CNTNAP4: variants seen among roughly 807,000 people sequenced by gnomAD.
The protein encoded by CNTNAP4 is contactin associated protein family member 4.
CNTNAP4 carries 98 observed loss-of-function variants against 148.4 expected under a neutral mutation model. The ratio of observed to expected loss-of-function variants is 0.66; its 90% CI spans 0.56 to 0.78. The LOEUF (loss-of-function observed/expected upper bound fraction) is 0.78. CNTNAP4 is among the 30% of genes least tolerant of loss of function. The pLI is 0.00. For missense variants in CNTNAP4, 1,935 were observed against 1,565.6 expected (o/e 1.24, Z -3.98); for synonymous variants, 730 against 565.1 (o/e 1.29, Z -4.14).
At chr16:76,538,496 A>T (rs1276084699) in intron 19 of CNTNAP4, among the ~76,000 whole-genome samples, 156 bp downstream of exon 19, 1 of 152,092 alleles carries the variant, frequency 6.6e-6, no homozygotes, top group Non-Finnish European at 1.5e-5. Context: ...TCCTATAAGT[A>T]TAATCTAAAA....
chr16:76,306,227 T>C (rs1960465920), intron 1 of CNTNAP4, among the ~76,000 whole-genome samples: 1 of 152,216 alleles, frequency 6.6e-6, no homozygotes, highest in Admixed American at 6.5e-5. Flanking sequence ...CTTTGAGAAA[T>C]ATCTAAACTG....
intron 2 of CNTNAP4, among the ~76,000 whole-genome samples, chr16:76,348,438 A>G (rs1282046310): frequency 6.6e-6 from 1 of 152,076 alleles, no homozygotes; most frequent in Non-Finnish European, 1.5e-5. Flanking sequence ...ATCAACGGGG[A>G]GTGAATGCAG....
intron 14 of CNTNAP4, among the ~76,000 whole-genome samples, chr16:76,496,112 T>TGTGTGC (rs1482716084): frequency 3.3e-5 from 5 of 151,972 alleles, no homozygotes; most frequent in Non-Finnish European, 5.9e-5. Context: ...TGTGTGCGTG[T>TGTGTGC]ATTTCTTTTA....
intron 2 of CNTNAP4, among the ~76,000 whole-genome samples, chr16:76,336,793 T>C (rs1964064136): frequency 6.6e-6 from 1 of 152,212 alleles, no homozygotes; most frequent in Non-Finnish European, 1.5e-5. Context: ...GGTTGATAAG[T>C]TGTTTGCTTT....
intron 3 of CNTNAP4, among the ~76,000 whole-genome samples, chr16:76,374,153 G>A (rs892565019): frequency 6.6e-6 from 1 of 152,082 alleles, no homozygotes; most frequent in Non-Finnish European, 1.5e-5. Context: ...CCTAATAATA[G>A]GATTCTTTTT....
At chr16:76,379,774 G>A (rs2015781018) in intron 3 of CNTNAP4, among the ~76,000 whole-genome samples, 1 of 152,192 alleles carries the variant, frequency 6.6e-6, no homozygotes, top group Admixed American at 6.5e-5. Context: ...AGCTGGTTCT[G>A]ACCAGGACAA....
At chr16:76,296,112 A>C (rs370923426) in intron 1 of CNTNAP4, among the ~76,000 whole-genome samples, 3 of 152,254 alleles carry the variant, frequency 2.0e-5, no homozygotes, top group East Asian at 3.8e-4. Flanking sequence ...TGTTTGAGGA[A>C]TATGCCATGG....
intron 21 of CNTNAP4, among the ~76,000 whole-genome samples, chr16:76,549,822 A>T (rs1480228649): frequency 6.6e-6 from 1 of 152,156 alleles, no homozygotes; most frequent in Non-Finnish European, 1.5e-5. Flanking sequence ...GAATTTAGAG[A>T]ATATATAGAG....
chr16:76,349,272 A>T (rs72628207), intron 2 of CNTNAP4, among the ~76,000 whole-genome samples: 28,367 of 152,028 alleles, frequency 0.19, 3,439 homozygotes, highest in East Asian at 0.47. Context: ...TGTTCTCCAA[A>T]TGTCCTCACA....
intron 7 of CNTNAP4, 24 bp from the exon 8 acceptor site, chr16:76,452,483 GC>G: frequency 3.1e-6 from 5 of 1,611,828 alleles, no homozygotes; most frequent in Non-Finnish European, 4.2e-6. Context: ...CATTCTGAAA[GC>G]TTTTTCTTTT....
chr16:76,422,575 G>C (rs1302153564), intron 3 of CNTNAP4, among the ~76,000 whole-genome samples: 7 of 152,056 alleles, frequency 4.6e-5, no homozygotes, highest in Admixed American at 3.3e-4. Context: ...TAAGTTGTTT[G>C]CTTTCATGTT....
intron 1 of CNTNAP4, among the ~76,000 whole-genome samples, chr16:76,293,266 A>T (rs1959170423): frequency 6.6e-6 from 1 of 152,098 alleles, no homozygotes; most frequent in South Asian, 2.1e-4. Context: ...CTGAGACTAC[A>T]GGCATGTGCC....
At chr16:76,325,423 A>G (rs556904573) in intron 2 of CNTNAP4, among the ~76,000 whole-genome samples, 11 of 152,284 alleles carry the variant, frequency 7.2e-5, no homozygotes, top group African/African-American at 2.6e-4. Context: ...AATTGTTTCA[A>G]TATATCTCAA....
intron 1 of CNTNAP4, among the ~76,000 whole-genome samples, chr16:76,310,988 C>G (rs1241667688): frequency 2.0e-5 from 3 of 151,852 alleles, no homozygotes; most frequent in Non-Finnish European, 4.4e-5. Flanking sequence ...CTTTTTTCCT[C>G]AAGTGTCCCT....
chr16:76,374,924 T>C (rs76370036), intron 3 of CNTNAP4, among the ~76,000 whole-genome samples: 5,593 of 152,020 alleles, frequency 0.037, 312 homozygotes, highest in African/African-American at 0.13. Flanking sequence ...CCTGCCACTA[T>C]GCCTGGCTAA....
intron 8 of CNTNAP4, among the ~76,000 whole-genome samples, chr16:76,460,773 A>AAAAAAATATATATATATATATAT: frequency 8.7e-5 from 5 of 57,276 alleles, no homozygotes; most frequent in African/African-American, 1.3e-4. Flanking sequence ...AAAAAAAAAA[A>AAAAAAATATATATATATATATAT]ATATATATAT....
intron 3 of CNTNAP4, among the ~76,000 whole-genome samples, chr16:76,397,939 T>A (rs1421545038): frequency 5.3e-4 from 1 of 1,886 alleles, no homozygotes; most frequent in East Asian, 0.028. Flanking sequence ...ACTAATAGAT[T>A]ATATACATAT....
chr16:76,394,569 C>G (rs1047626473), intron 3 of CNTNAP4, among the ~76,000 whole-genome samples: 15 of 151,944 alleles, frequency 9.9e-5, no homozygotes, highest in African/African-American at 2.4e-5. Context: ...GCTTTTTTCC[C>G]CCTTCTCCTT....
intron 3 of CNTNAP4, among the ~76,000 whole-genome samples, chr16:76,416,435 C>T (rs2078986970): frequency 6.6e-6 from 1 of 151,138 alleles, no homozygotes; most frequent in South Asian, 2.1e-4. Flanking sequence ...TTTGCTCTAT[C>T]CTGCGTATTT....
Sources: gnomAD v4.1 joint callset for allele counts (sites outside exome capture counted in the v4.1 genomes callset) on GRCh38, gnomAD v4.1.1 for gene constraint, MANE v1.5 for transcripts, NCBI Gene and HGNC (gene_info 2026-07-23, HGNC 2026-07-21) for gene names.